Variants in PASD1 observed in about 807,000 individuals in gnomAD.
PASD1 encodes the protein circadian clock protein PASD1.
In PASD1, 13 loss-of-function variants were observed where a neutral mutation model predicts 58.8. The ratio of observed to expected loss-of-function variants is 0.22; its 90% CI spans 0.14 to 0.35. The LOEUF is 0.35. Ranked by LOEUF, PASD1 falls within the 10% of genes least tolerant of loss-of-function variation. The probability of loss-of-function intolerance (pLI) is 1.00; values close to 1 mark genes in which losing one functional copy is unlikely to be tolerated. For missense variants in PASD1, 734 were observed against 568.3 expected (o/e 1.29, Z -2.96); for synonymous variants, 236 against 216.7 (o/e 1.09, Z -0.78).
chrX:151,585,796 A>T (rs188306847), intron 1 of PASD1, among the ~76,000 whole-genome samples: 60 of 112,150 alleles, frequency 5.3e-4, no homozygotes, highest in Middle Eastern at 4.6e-3. Flanking sequence ...TATCCAGGTA[A>T]ATATGAATAC....
At chrX:151,575,200 T>C (rs994095940) in intron 1 of PASD1, among the ~76,000 whole-genome samples, 4 of 104,263 alleles carry the variant, frequency 3.8e-5, no homozygotes, top group African/African-American at 1.1e-4. Context: ...CTAAAAGCAG[T>C]TTAAGACCAT....
At chrX:151,635,033 T>A (rs1436242385) in intron 8 of PASD1, among the ~76,000 whole-genome samples, 3 of 111,841 alleles carry the variant, frequency 2.7e-5, no homozygotes, top group Non-Finnish European at 5.6e-5. Context: ...ATTGAATCGT[T>A]ATTTATTTAT....
intron 1 of PASD1, among the ~76,000 whole-genome samples, chrX:151,599,596 C>T (rs1245115639): frequency 1.9e-5 from 2 of 107,575 alleles, no homozygotes; most frequent in Admixed American, 9.7e-5. Flanking sequence ...GGGGTGGCGG[C>T]GGGGCAGAGA....
intron 10 of PASD1, among the ~76,000 whole-genome samples, chrX:151,660,752 G>T (rs2014298854): frequency 1.8e-5 from 2 of 112,604 alleles, no homozygotes; most frequent in Non-Finnish European, 3.8e-5. Context: ...TATTGAAATG[G>T]CTAGCAGCTT....
At chrX:151,598,173 T>G (rs939218574) in intron 1 of PASD1, among the ~76,000 whole-genome samples, 1 of 112,637 alleles carries the variant, frequency 8.9e-6, no homozygotes, top group African/African-American at 3.2e-5. Flanking sequence ...CTTGTAATAC[T>G]TTAGTTCTGA....
At chrX:151,642,778 T>C (rs146282001) in intron 8 of PASD1, among the ~76,000 whole-genome samples, 8 of 112,429 alleles carry the variant, frequency 7.1e-5, no homozygotes, top group Admixed American at 2.8e-4. Flanking sequence ...TAGGATATAT[T>C]GTGCTTGGCC....
chrX:151,578,154 C>T (rs749720412), intron 1 of PASD1, among the ~76,000 whole-genome samples: 28 of 112,179 alleles, frequency 2.5e-4, no homozygotes, highest in Non-Finnish European at 4.1e-4. Flanking sequence ...CTCTGTGCTC[C>T]TAGATCTATT....
intron 8 of PASD1, among the ~76,000 whole-genome samples, chrX:151,640,556 A>T (rs770938699): frequency 8.9e-6 from 1 of 111,967 alleles, no homozygotes; most frequent in African/African-American, 3.3e-5. Context: ...TTAAGGGCTT[A>T]TTAGTTAGTG....
chrX:151,668,234 A>G (rs2014410902), intron 11 of PASD1, among the ~76,000 whole-genome samples: 1 of 111,841 alleles, frequency 8.9e-6, no homozygotes, highest in Non-Finnish European at 1.9e-5. Context: ...GAATTTTGTC[A>G]AAGATCTTTT....
rs747248541 is a variant in PASD1 at position 151,658,832 on chromosome X, G to A, written c.718-881G>A. 6.9e-4 allele frequency among the ~76,000 whole-genome samples: 77 copies of A among 112,370 alleles called. 1 individual carries two copies. The highest frequency in any genetic ancestry group is 2.3e-3 in the African/African-American group (71 of 30,954). ...TGTCAGGGATGTAAAATATTTCACT[G>A]CTAAACCAGGTACTTAAATTTCAAT... On this transcript the variant is annotated intron_variant, in intron 9 of 15. Coordinates refer to ENST00000370357, the MANE Select transcript of PASD1 (RefSeq NM_173493.3).
chrX:151,675,997 G>A lies in PASD1; in HGVS notation c.2176G>A (p.Val726Met). ...ACCTTGTTTCACTTTTTCCTGGCAG[G>A]TGCAAGTTTCTGAGGTAGGAGTCGA... The part of the protein sequence containing the change: ...TLHGQPTYHQ[V>M]QVSEVGVEGP... The change falls in exon 16 of 16, where the codon GTG (valine) becomes ATG (methionine). Residue 726 changes from valine to methionine, a missense_variant and splice_region_variant. Coordinates refer to ENST00000370357, the MANE Select transcript of PASD1 (RefSeq NM_173493.3). 1 of 1,209,868 alleles carries A rather than the reference G, an allele frequency of 8.3e-7. No individual in the cohort carries two copies. Among genetic ancestry groups the A allele is most frequent in the Non-Finnish European group, 1.1e-6 (1 of 894,706 alleles).
intron 1 of PASD1, among the ~76,000 whole-genome samples, chrX:151,566,789 G>A (rs960264125): frequency 2.7e-5 from 3 of 110,951 alleles, no homozygotes; most frequent in East Asian, 2.8e-4. Context: ...GATTTTGTCC[G>A]GACGCGGTGG....
At chrX:151,590,731 C>T (rs1282955198) in intron 1 of PASD1, among the ~76,000 whole-genome samples, 13 of 110,627 alleles carry the variant, frequency 1.2e-4, no homozygotes, top group Non-Finnish European at 3.8e-5. Context: ...CAGGTGCGCG[C>T]CATCATGCCC....
At chrX:151,566,249 G>A (rs1194557678) in intron 1 of PASD1, among the ~76,000 whole-genome samples, 4 of 112,187 alleles carry the variant, frequency 3.6e-5, no homozygotes, top group Non-Finnish European at 7.5e-5. Flanking sequence ...TATTTGCTTT[G>A]AGCTATAATA....
intron 11 of PASD1, among the ~76,000 whole-genome samples, chrX:151,669,180 A>G (rs180686025): frequency 0.034 from 3,578 of 106,125 alleles, 118 homozygotes; most frequent in African/African-American, 0.11. Flanking sequence ...GTGTGTGTAT[A>G]TATATATATA....
chrX:151,629,239 C>T (rs1445368159), intron 8 of PASD1, among the ~76,000 whole-genome samples: 3 of 111,287 alleles, frequency 2.7e-5, no homozygotes, highest in South Asian at 7.9e-4. Flanking sequence ...CCTGCCTCAG[C>T]CTCCTGAGTA....
chrX:151,653,751 C>CTTCT (rs1246137820), intron 9 of PASD1, among the ~76,000 whole-genome samples: 198 of 16,914 alleles, frequency 0.012, 1 homozygote, highest in Middle Eastern at 0.071. Context: ...TCTTTCCTTC[C>CTTCT]TTCTTTCTTT....
chrX:151,586,120 G>GGGTA (rs776147133), intron 1 of PASD1, among the ~76,000 whole-genome samples: 129 of 111,669 alleles, frequency 1.2e-3, no homozygotes, highest in Non-Finnish European at 1.9e-3. Context: ...GCATCTGAGA[G>GGGTA]GGTAGCTAGA....
chrX:151,571,960 A>C (rs1389567800), intron 1 of PASD1, among the ~76,000 whole-genome samples: 1 of 110,300 alleles, frequency 9.1e-6, no homozygotes, highest in African/African-American at 3.3e-5. Flanking sequence ...TGTCTGCTTG[A>C]GCTCCCCTTG....
Sources: gnomAD v4.1 joint callset for allele counts (sites outside exome capture counted in the v4.1 genomes callset) on GRCh38, gnomAD v4.1.1 for gene constraint, MANE v1.5 for transcripts, NCBI Gene and HGNC (gene_info 2026-07-23, HGNC 2026-07-21) for gene names.